TSPAN9: variants seen among roughly 807,000 people sequenced by gnomAD.
TSPAN9 encodes tetraspanin-9.
In TSPAN9, 16 loss-of-function variants were observed where a neutral mutation model predicts 31.0. The observed-to-expected ratio is 0.52, with a 90% CI of 0.35 to 0.78. TSPAN9 has a LOEUF of 0.78. TSPAN9 is among the 30% of genes least tolerant of loss of function. The probability of loss-of-function intolerance (pLI) is 0.01; values close to 1 mark genes in which losing one functional copy is unlikely to be tolerated. For missense variants in TSPAN9, 272 were observed against 312.5 expected (o/e 0.87, Z 0.98); for synonymous variants, 145 against 121.6 (o/e 1.19, Z -1.27).
chr12:3,201,137 G>A lies in TSPAN9; in HGVS notation c.-17-40G>A, dbSNP rs1408407494. 7.7e-6 allele frequency: 12 copies of A among 1,548,428 alleles called. No homozygotes were observed. The South Asian group carries it at 1.3e-4, about 17-fold the overall frequency. ...CAATGCACCCAAAGGCAGCAAGTAC[G>A]TGGTGTTTTACCTGGACCTGTCCTT... On this transcript the variant is annotated intron_variant, in intron 2 of 8. Transcript: ENST00000011898.
At chr12:3,203,899 C>T (rs765649748) in intron 3 of TSPAN9, among the ~76,000 whole-genome samples, 33 of 152,136 alleles carry the variant, frequency 2.2e-4, no homozygotes, top group Non-Finnish European at 1.2e-4. Context: ...ATGAAGGCTT[C>T]CTGCAGGCTG....
rs548400474 is a variant in TSPAN9, at chr12:3,265,695, C to T, written c.64-12726C>T. Among the ~76,000 whole-genome samples the T allele has an allele frequency of 4.6e-5, 7 of 152,336 alleles. No homozygotes were observed. The South Asian group carries it at 1.0e-3, about 23-fold the overall frequency. ...TGGGCTGTGTGTCTGGGTCCCTCCACTTCTTGGCATGCCTGTGTCACCTCC... is the reference window on the plus strand; with the variant it reads ...TGGGCTGTGTGTCTGGGTCCCTCCATTTCTTGGCATGCCTGTGTCACCTCC... On this transcript the variant is annotated intron_variant, in intron 3 of 8. Coordinates refer to ENST00000011898, the MANE Select transcript of TSPAN9 (RefSeq NM_006675.5).
rs895716539 is a variant in TSPAN9 at position 3,283,393 on chromosome 12, G to A, written c.*277G>A. 1.0e-4 allele frequency: 38 copies of A among 379,908 alleles called. 1 individual carries two copies. The highest frequency in any genetic ancestry group is 3.3e-4 in the South Asian group (8 of 24,108). 23.5% of individuals were successfully genotyped at this position (379,908 alleles called of 1,614,324 possible). ...GACAGGGTGGGCTGGGGTGCGCTCC[G>A]GAGGAACCCCCGGCACTGATGGGCT... On this transcript the variant is annotated 3_prime_UTR_variant, in exon 9 of 9. Transcript: ENST00000011898.
chr12:3,082,812 TG>T (rs1232190872), intron 1 of TSPAN9, among the ~76,000 whole-genome samples: 5 of 152,184 alleles, frequency 3.3e-5, no homozygotes, highest in African/African-American at 1.2e-4. Flanking sequence ...CGGTAGGCAT[TG>T]TTTCGTCAAC....
At chr12:3,210,148 GA>G (rs1467289627) in intron 3 of TSPAN9, among the ~76,000 whole-genome samples, 6 of 138,040 alleles carry the variant, frequency 4.3e-5, no homozygotes, top group Admixed American at 7.3e-5. Flanking sequence ...AAAAAAAAAA[GA>G]AAAAAAAGTT....
chr12:3,147,719 G>A lies in TSPAN9; in HGVS notation c.-17-53458G>A, dbSNP rs2098337910. 6.6e-6 allele frequency among the ~76,000 whole-genome samples: 1 copy of A among 152,232 alleles called. No homozygotes were observed. The highest frequency in any genetic ancestry group is 2.4e-5 in the African/African-American group (1 of 41,448). ...ATTTTATTCAGTTTTAACTTAAAAT[G>A]GAAATGTAGGTGGCCACATGTTGCT... On this transcript the variant is annotated intron_variant, in intron 2 of 8. Transcript: ENST00000011898. This position sits in a 1 kb window ranked among gnomAD's most constrained non-coding sequence, Gnocchi z 4.3.
At chr12:3,181,870 C>T (rs1202124602) in intron 2 of TSPAN9, among the ~76,000 whole-genome samples, 5 of 152,146 alleles carry the variant, frequency 3.3e-5, no homozygotes, top group Admixed American at 6.5e-5. Flanking sequence ...CCACCTGCAG[C>T]GTCCCATGGG....
Position 3,249,393 on chromosome 12 carries a change from G to A in TSPAN9, c.64-29028G>A, listed in dbSNP as rs1022517712. Reference sequence around the variant, plus strand: ...ACCATTCTCTCCAGATCAATTACCCGTGCTCATTACCAGCCCTCCCCCTTT... The same window carrying A: ...ACCATTCTCTCCAGATCAATTACCCATGCTCATTACCAGCCCTCCCCCTTT... On this transcript the variant is annotated intron_variant, in intron 3 of 8. Transcript: ENST00000011898. Among the ~76,000 whole-genome samples, 5 of 152,188 alleles carry A rather than the reference G, an allele frequency of 3.3e-5. 1 individual carries two copies. The highest frequency in any genetic ancestry group is 4.1e-4 in the South Asian group (2 of 4,820).
chr12:3,252,045 T>TC (rs1187923264), intron 3 of TSPAN9, among the ~76,000 whole-genome samples: 11 of 152,240 alleles, frequency 7.2e-5, no homozygotes, highest in African/African-American at 2.2e-4. Flanking sequence ...GGGTCGTTTT[T>TC]TACTTTGTAG....
rs2098364686 is a variant in TSPAN9, at chr12:3,192,062, T to G, written c.-17-9115T>G. Among the ~76,000 whole-genome samples, 1 of 150,872 alleles carries G rather than the reference T, an allele frequency of 6.6e-6. No homozygotes were observed. The highest frequency in any genetic ancestry group is 1.5e-5 in the Non-Finnish European group (1 of 67,682). On this transcript the variant is annotated intron_variant, in intron 2 of 8. Coordinates refer to ENST00000011898, the MANE Select transcript of TSPAN9 (RefSeq NM_006675.5). This position sits in a 1 kb window ranked among gnomAD's most constrained non-coding sequence, Gnocchi z 4.6. ...AGCATGGGCGGAGGCTCTGAGGAGG[T>G]CAGAGCACCGAGAGTTCACGGCTGT...
chr12:3,080,536 C>T (rs1203901162), intron 1 of TSPAN9, among the ~76,000 whole-genome samples: 1 of 152,046 alleles, frequency 6.6e-6, no homozygotes, highest in Non-Finnish European at 1.5e-5. Context: ...CGGGGTTTCA[C>T]CATGTTGGCC....
At position 3,147,980 on chromosome 12, in the gene TSPAN9, T is replaced by C. The variant is rs7972731; in HGVS notation, c.-17-53197T>C. On this transcript the variant is annotated intron_variant, in intron 2 of 8. Transcript: ENST00000011898. This position sits in a 1 kb window ranked among gnomAD's most constrained non-coding sequence, Gnocchi z 4.3. ...GTCTAATCTGGGTACATTTGGAGAT[T>C]GAGTGGAGGGTCTGGATAGGGGAGA... Among the ~76,000 whole-genome samples the C allele has an allele frequency of 1, 152,238 of 152,260 alleles. 76,108 individuals carry two copies. The highest frequency in any genetic ancestry group is 1 in the Non-Finnish European group (68,038 of 68,038).
At chr12:3,105,691 T>A (rs61688146) in intron 2 of TSPAN9, among the ~76,000 whole-genome samples, 5,866 of 152,092 alleles carry the variant, frequency 0.039, 388 homozygotes, top group African/African-American at 0.13. Context: ...TCAAGGAGTG[T>A]ACATGCCCCT....
At chr12:3,153,320 A>G (rs923254203) in intron 2 of TSPAN9, among the ~76,000 whole-genome samples, 3 of 152,242 alleles carry the variant, frequency 2.0e-5, no homozygotes, top group African/African-American at 7.2e-5. Context: ...AAATAGGGGT[A>G]TAAAATACCT....
At chr12:3,104,897 C>T (rs887693709) in intron 2 of TSPAN9, among the ~76,000 whole-genome samples, 4 of 152,120 alleles carry the variant, frequency 2.6e-5, no homozygotes, top group Non-Finnish European at 2.9e-5. Flanking sequence ...GCAAAAGGGC[C>T]GGTCATTTAG....
At chr12:3,178,843 T>G (rs28470653) in intron 2 of TSPAN9, among the ~76,000 whole-genome samples, 6,208 of 152,234 alleles carry the variant, frequency 0.041, 408 homozygotes, top group African/African-American at 0.14. Flanking sequence ...TCAGGCAGGT[T>G]AGCTTTCTGG....
chr12:3,206,215 G>A (rs1335133416), intron 3 of TSPAN9: 4 of 429,214 alleles, frequency 9.3e-6, no homozygotes, highest in African/African-American at 2.0e-5. Context: ...TCAGGGTGCT[G>A]GGGTCCCAGT....
At chr12:3,201,285 G>C in intron 3 of TSPAN9, 29 bp downstream of exon 3, 1 of 1,598,638 alleles carries the variant, frequency 6.3e-7, no homozygotes, top group South Asian at 1.1e-5. Context: ...CTCTCCCTTC[G>C]CCCTCTTCTC....
chr12:3,206,630 C>T (rs1322131477), intron 3 of TSPAN9, among the ~76,000 whole-genome samples: 3 of 151,648 alleles, frequency 2.0e-5, no homozygotes, highest in African/African-American at 7.3e-5. Flanking sequence ...AAAGAATCAG[C>T]GAATCCTGTG....
Sources: allele counts gnomAD v4.1 joint callset (sites outside exome capture counted in the v4.1 genomes callset), GRCh38; gene constraint gnomAD v4.1.1; non-coding constraint Gnocchi (gnomAD v3.1); transcripts MANE v1.5; gene names NCBI Gene and HGNC (gene_info 2026-07-23, HGNC 2026-07-21).